Variants in TRPC5 observed in about 807,000 individuals in gnomAD.
The protein encoded by TRPC5 is transient receptor potential cation channel subfamily C member 5.
TRPC5 carries 9 observed loss-of-function variants against 56.5 expected under a neutral mutation model. The ratio of observed to expected loss-of-function variants is 0.16; its 90% confidence interval spans 0.10 to 0.28. TRPC5 has a LOEUF of 0.28. Among genes scored for constraint, TRPC5 ranks in the 10% least tolerant of loss-of-function variants. TRPC5 has a pLI of 1.00. For synonymous variants in TRPC5, 282 were observed against 278.5 expected (o/e 1.01, Z -0.13); for missense variants, 469 against 748.9 (o/e 0.63, Z 4.36).
intron 3 of TRPC5, among the ~76,000 whole-genome samples, chrX:111,885,574 T>C (rs567227387): frequency 2.7e-3 from 293 of 110,540 alleles, no homozygotes; most frequent in South Asian, 0.012. Context: ...AGAAAACTTT[T>C]CTTTGTCTTG....
chrX:111,937,465 T>G (rs1261395889), intron 2 of TRPC5, among the ~76,000 whole-genome samples: 4 of 105,163 alleles, frequency 3.8e-5, no homozygotes, highest in African/African-American at 7.1e-5. Flanking sequence ...TTCTAGGGTT[T>G]TTATGGTTTT....
At chrX:112,072,189 A>G (rs1930734118) in intron 1 of TRPC5, among the ~76,000 whole-genome samples, 1 of 111,722 alleles carries the variant, frequency 9.0e-6, no homozygotes, top group Non-Finnish European at 1.9e-5. Context: ...TCCAATAGAT[A>G]CCACTTGTGT....
intron 1 of TRPC5, among the ~76,000 whole-genome samples, chrX:112,009,300 C>G (rs1436515685): frequency 9.0e-6 from 1 of 111,599 alleles, no homozygotes; most frequent in African/African-American, 3.3e-5. Flanking sequence ...TTATTTCCTC[C>G]TGTAGGGTCT....
intron 1 of TRPC5, among the ~76,000 whole-genome samples, chrX:112,045,069 C>T (rs916876574): frequency 1.8e-5 from 2 of 112,350 alleles, no homozygotes; most frequent in East Asian, 2.8e-4. Context: ...ATAGTCCTTC[C>T]GTTCCCCCAT....
At chrX:111,967,978 C>A (rs1368767343) in intron 1 of TRPC5, among the ~76,000 whole-genome samples, 1 of 110,468 alleles carries the variant, frequency 9.1e-6, no homozygotes, top group Non-Finnish European at 1.9e-5. Flanking sequence ...CAAATGGGAT[C>A]TAATTAAACT....
rs761794224 is a variant in TRPC5 at position 111,937,188 on chromosome X, GTTGT to G, written c.378+14851_378+14854del. Among the ~76,000 whole-genome samples, 34 of 106,256 alleles carry G rather than the reference GTTGT, an allele frequency of 3.2e-4. No homozygotes were observed. In the East Asian group the frequency reaches 4.8e-3, roughly 15 times the overall value. 92.3% of individuals were successfully genotyped at this position (106,256 alleles called of 115,157 possible). ...TGTCCTTCGCCCACTTTTTGATGGA[GTTGT>G]TTGTTTTTTTCTTGTAAATTTGTTG... On this transcript the variant is annotated intron_variant, in intron 2 of 10. Transcript: ENST00000262839.
intron 1 of TRPC5, among the ~76,000 whole-genome samples, chrX:112,078,324 G>A (rs1452590239): frequency 9.0e-6 from 1 of 111,539 alleles, no homozygotes; most frequent in East Asian, 2.8e-4. Context: ...TGGAAGTAGA[G>A]GGCTGTGATC....
chrX:112,000,595 A>G (rs1928672588), intron 1 of TRPC5, among the ~76,000 whole-genome samples: 1 of 111,324 alleles, frequency 9.0e-6, no homozygotes, highest in Admixed American at 9.6e-5. Context: ...CCCCAGTTTT[A>G]TACATGGAAA....
intron 1 of TRPC5, among the ~76,000 whole-genome samples, chrX:112,053,347 G>T (rs915633272): frequency 9.0e-6 from 1 of 111,672 alleles, no homozygotes; most frequent in Non-Finnish European, 1.9e-5. Context: ...TCGATATTTT[G>T]AGTTTCAGTT....
At chrX:111,910,628 T>C (rs1925787349) in intron 3 of TRPC5, among the ~76,000 whole-genome samples, 1 of 112,283 alleles carries the variant, frequency 8.9e-6, no homozygotes, top group African/African-American at 3.2e-5. Context: ...GCCTCCCAGG[T>C]TCAAGCGATT....
At chrX:111,925,936 G>C (rs775441652) in intron 2 of TRPC5, among the ~76,000 whole-genome samples, 1 of 111,744 alleles carries the variant, frequency 8.9e-6, no homozygotes, top group African/African-American at 3.2e-5. Context: ...GTGGGGGACT[G>C]TTCCGTGCAC....
intron 3 of TRPC5, among the ~76,000 whole-genome samples, chrX:111,906,368 C>CA (rs869101590): frequency 3.1e-4 from 28 of 90,049 alleles, no homozygotes; most frequent in South Asian, 5.5e-4. Context: ...AAACAAAAAA[C>CA]AAAAAAAAGG....
At position 112,080,395 on chromosome X, in the gene TRPC5, TACACACACACACACACACACAC is replaced by T. The variant is rs201063739; in HGVS notation, c.-22+1462_-22+1483del. 4.3e-3 allele frequency among the ~76,000 whole-genome samples: 337 copies of T among 79,167 alleles called. 1 individual carries two copies. Among genetic ancestry groups the T allele is most frequent in the African/African-American group, 0.014 (300 of 21,531 alleles). 68.7% of individuals were successfully genotyped at this position (79,167 alleles called of 115,157 possible). On this transcript the variant is annotated intron_variant, in intron 1 of 10. Transcript: ENST00000262839. ...TGATTGAGGTCCTTGAAAAACTACA[TACACACACACACACACACACAC>T]ACACACACACACACACACACACAGA... is the stretch of plus-strand genomic sequence containing the variant.
chrX:111,997,621 G>T (rs1015318995), intron 1 of TRPC5, among the ~76,000 whole-genome samples: 2 of 110,570 alleles, frequency 1.8e-5, no homozygotes, highest in Admixed American at 1.9e-4. Context: ...TCACTTTTAG[G>T]TACACCAATC....
At chrX:112,012,340 G>C (rs1929012972) in intron 1 of TRPC5, among the ~76,000 whole-genome samples, 1 of 111,978 alleles carries the variant, frequency 8.9e-6, no homozygotes. Context: ...ATCCTGTACA[G>C]AGTAGGCAGC....
rs943096596 is a variant in TRPC5, at chrX:111,818,288, C to A, written c.1896+16633G>T. Reference sequence around the variant, plus strand: ...CTCAAGTATTACCTTCTCAAAGAGACCTTCCCTGAGCAACCAACTTAAAGT... The same window carrying A: ...CTCAAGTATTACCTTCTCAAAGAGAACTTCCCTGAGCAACCAACTTAAAGT... On this transcript the variant is annotated intron_variant, in intron 7 of 10. Coordinates refer to ENST00000262839, the MANE Select transcript of TRPC5 (RefSeq NM_012471.3). Among the ~76,000 whole-genome samples the A allele has an allele frequency of 4.5e-5, 5 of 112,038 alleles. 1 individual carries two copies. The highest frequency in any genetic ancestry group is 1.3e-4 in the African/African-American group (4 of 30,811).
At position 111,912,212 on chromosome X, in the gene TRPC5, A is replaced by AAAATGCTG. The variant is rs1471558908; in HGVS notation, c.900+71_900+78dup. 2.8e-6 allele frequency: 3 copies of AAAATGCTG among 1,084,346 alleles called. No homozygotes were observed. In the African/African-American group the frequency reaches 5.6e-5, roughly 20 times the overall value. 89.4% of individuals were successfully genotyped at this position (1,084,346 alleles called of 1,213,427 possible). A position where few individuals can be genotyped will look rare whatever the true frequency, so the allele number is the denominator to read the frequency against. ...GTTTGTTAGGGGGCTAAATGGTAGA[A>AAAATGCTG]AAATGCTGATTCTTGCTCTGCTGCT... On this transcript the variant is annotated intron_variant, in intron 3 of 10. Transcript: ENST00000262839.
chrX:111,996,754 A>T, intron 1 of TRPC5, among the ~76,000 whole-genome samples: 1 of 111,506 alleles, frequency 9.0e-6, no homozygotes. Context: ...GTCTCTTTTG[A>T]TCTTTGTTGG....
At chrX:111,901,286 T>C (rs1168181295) in intron 3 of TRPC5, among the ~76,000 whole-genome samples, 8 of 110,949 alleles carry the variant, frequency 7.2e-5, no homozygotes, top group Non-Finnish European at 1.9e-5. Flanking sequence ...AAAGAGATGC[T>C]CAAGAAAGAC....
Sources: allele counts gnomAD v4.1 joint callset (sites outside exome capture counted in the v4.1 genomes callset), GRCh38; gene constraint gnomAD v4.1.1; transcripts MANE v1.5; gene names NCBI Gene and HGNC (gene_info 2026-07-23, HGNC 2026-07-21).